Variants in GAN observed in about 807,000 individuals in gnomAD.
GAN encodes epididymis secretory sperm binding protein.
In GAN, 48 loss-of-function variants were observed where a neutral mutation model predicts 71.3. The observed-to-expected ratio is 0.67, with a 90% confidence interval of 0.53 to 0.86. GAN has a LOEUF of 0.86. Among genes scored for constraint, GAN ranks in the 40% least tolerant of loss-of-function variants. The pLI, the probability that GAN is intolerant of heterozygous loss-of-function variation, is 0.00. For synonymous variants in GAN, 386 were observed against 276.8 expected, an observed-to-expected ratio of 1.39 and a Z score of -3.92; for missense variants, 928 against 770.1, an observed-to-expected ratio of 1.21 and a Z score of -2.43.
chr16:81,351,623 A>G lies in GAN; in HGVS notation c.208A>G (p.Thr70Ala). The change falls in exon 2 of 11, where the codon ACT becomes GCT. Residue 70 changes from threonine (T) to alanine (A), a missense_variant. Coordinates refer to ENST00000648994, the MANE Select transcript of GAN (RefSeq NM_022041.4). ...NYNPPKDDGSTYKIELEGISV... is the reference protein window; with the variant it reads ...NYNPPKDDGSAYKIELEGISV... ...TAATCCTCCAAAAGATGATGGATCA[A>G]CTTATAAGATTGAACTTGAAGGGAT... 2 of 1,559,312 alleles carry G rather than the reference A, an allele frequency of 1.3e-6. No individual in the cohort carries two copies. The highest frequency in any genetic ancestry group is 4.5e-5 in the East Asian group (2 of 44,604).
At chr16:81,325,065 C>T (rs139911975) in intron 1 of GAN, among the ~76,000 whole-genome samples, 3 of 150,190 alleles carry the variant, frequency 2.0e-5, no homozygotes, top group Non-Finnish European at 3.0e-5. Flanking sequence ...CTCCCAGGCA[C>T]GGATGCTCCC....
At chr16:81,354,383 G>C in intron 2 of GAN, 22 bp from the exon 3 acceptor site, 1 of 1,471,924 alleles carries the variant, frequency 6.8e-7, no homozygotes, top group Non-Finnish European at 9.5e-7. Context: ...TCAAATATAA[G>C]ATAATTATGC....
chr16:81,372,078 C>A (rs1392141711), intron 9 of GAN: 1 of 152,272 alleles, frequency 6.6e-6, no homozygotes, highest in Admixed American at 6.6e-5. Context: ...CTTCCTCTCT[C>A]CTTTCCTGTC....
At chr16:81,343,355 G>A (rs536435749) in intron 1 of GAN, among the ~76,000 whole-genome samples, 45 of 152,290 alleles carry the variant, frequency 3.0e-4, no homozygotes, top group African/African-American at 1.0e-3. Context: ...GAACATTGAT[G>A]TGAAAATCCT....
At chr16:81,338,225 A>T (rs527491001) in intron 1 of GAN, among the ~76,000 whole-genome samples, 1 of 152,320 alleles carries the variant, frequency 6.6e-6, no homozygotes, top group African/African-American at 2.4e-5. Flanking sequence ...TGTCAAGGTG[A>T]TATTTTAAGG....
intron 4 of GAN, among the ~76,000 whole-genome samples, chr16:81,357,205 A>G (rs1178698451): frequency 1.3e-5 from 2 of 152,070 alleles, no homozygotes; most frequent in Non-Finnish European, 2.9e-5. Context: ...TGCTGCACCC[A>G]TTAACTCATC....
At chr16:81,376,642 GTATATATGTGTGTA>G (rs1904281992) in intron 9 of GAN, among the ~76,000 whole-genome samples, 1 of 16,376 alleles carries the variant, frequency 6.1e-5, no homozygotes, top group African/African-American at 4.3e-4. Context: ...ATATATGTGT[GTATATATGTGTGTA>G]TATATGTGTG....
At chr16:81,362,760 C>T (rs77970495) in intron 6 of GAN, 149 bp downstream of exon 6, 1 of 698,108 alleles carries the variant, frequency 1.4e-6, no homozygotes, top group African/African-American at 1.8e-5. Flanking sequence ...GTGCCCGGCT[C>T]TCCTCCCCTT....
intron 1 of GAN, among the ~76,000 whole-genome samples, chr16:81,337,868 A>T (rs1041731517): frequency 3.9e-5 from 6 of 152,206 alleles, no homozygotes; most frequent in African/African-American, 1.4e-4. Flanking sequence ...CTTAGACCAC[A>T]TGATGTGCAA....
At chr16:81,332,306 G>A (rs1404302784) in intron 1 of GAN, among the ~76,000 whole-genome samples, 2 of 152,170 alleles carry the variant, frequency 1.3e-5, no homozygotes, top group Non-Finnish European at 2.9e-5. Flanking sequence ...CTGGCTGTGG[G>A]GTTGCAGCAG....
rs964001057 is a variant in GAN at position 81,387,183 on chromosome 16, A to G, written c.*9587A>G. 1 of 152,196 alleles carries G rather than the reference A, an allele frequency of 6.6e-6. No homozygotes were observed. The highest frequency in any genetic ancestry group is 1.5e-5 in the Non-Finnish European group (1 of 68,032). The allele number at this position is 152,196 out of a possible 1,614,324, so 9.4% of individuals were successfully genotyped here. On this transcript the variant is annotated 3_prime_UTR_variant, in exon 11 of 11. Transcript: ENST00000648994. Reference sequence around the variant, plus strand: ...GTGTTAGATCTGCAATACTCTTCATAGTGTAATGGCTAAATGTAAAGTCTT... The same window carrying G: ...GTGTTAGATCTGCAATACTCTTCATGGTGTAATGGCTAAATGTAAAGTCTT...
chr16:81,338,795 G>A (rs17188615), intron 1 of GAN, among the ~76,000 whole-genome samples: 3 of 152,196 alleles, frequency 2.0e-5, no homozygotes, highest in African/African-American at 7.2e-5. Context: ...GACTGCTTCC[G>A]GATAGATTTG....
At chr16:81,339,123 A>T (rs1909860002) in intron 1 of GAN, among the ~76,000 whole-genome samples, 1 of 152,246 alleles carries the variant, frequency 6.6e-6, no homozygotes, top group Non-Finnish European at 1.5e-5. Flanking sequence ...TAATTGAAGA[A>T]GCACCTATTA....
rs1388281560 is a variant in GAN at position 81,353,058 on chromosome 16, G to C, written c.283-1347G>C. On this transcript the variant is annotated intron_variant, in intron 2 of 10. Transcript: ENST00000648994. ...TGTAATCCCAGCACTTTGGGAGGCC[G>C]AGGCGGGTGGATCACGAGGTCAGGA... 3.9e-5 allele frequency among the ~76,000 whole-genome samples: 6 copies of C among 152,302 alleles called. No individual in the cohort carries two copies. In the East Asian group the frequency reaches 1.2e-3, roughly 29 times the overall value.
At position 81,357,841 on chromosome 16, in the gene GAN, A is replaced by T; in HGVS notation, c.883A>T (p.Met295Leu). 6.2e-7 allele frequency: 1 copy of T among 1,613,358 alleles called. No individual in the cohort carries two copies. Residue 295 changes from methionine to leucine, a missense_variant, in exon 5 of 11, where the codon ATG becomes TTG. Coordinates refer to ENST00000648994, the MANE Select transcript of GAN (RefSeq NM_022041.4). Reference sequence around the variant, plus strand: ...GAAACCCACAGCAGCGATGCGATGCATGTGCCCTCTCTATGACCCTAACAG... The same window carrying T: ...GAAACCCACAGCAGCGATGCGATGCTTGTGCCCTCTCTATGACCCTAACAG... ...SRKPTAAMRC[M>L]CPLYDPNRQL...
intron 3 of GAN, 33 bp from the exon 4 acceptor site, chr16:81,356,752 G>A (rs554389499): frequency 7.1e-7 from 1 of 1,409,732 alleles, no homozygotes; most frequent in East Asian, 2.3e-5. Flanking sequence ...ATTTTCCATT[G>A]TTTTCGCCCC....
At chr16:81,366,973 T>C (rs1910878855) in intron 9 of GAN, among the ~76,000 whole-genome samples, 1 of 152,086 alleles carries the variant, frequency 6.6e-6, no homozygotes, top group South Asian at 2.1e-4. Flanking sequence ...TACAGGCGCA[T>C]GCCACCATGC....
intron 1 of GAN, among the ~76,000 whole-genome samples, chr16:81,346,729 C>T (rs1816139846): frequency 6.6e-6 from 1 of 152,154 alleles, no homozygotes; most frequent in Non-Finnish European, 1.5e-5. Context: ...TGGGAAGGTA[C>T]TTGAAGGAGG....
chr16:81,377,567 T>G lies in GAN; in HGVS notation c.1765T>G (p.Leu589Val), dbSNP rs113761285. Reference sequence around the variant, plus strand: ...TTTCCGCCTGCAGCTTCAGCAAGGCTTATTCCGTATTCGTGTTCATTCCCC... The same window carrying G: ...TTTCCGCCTGCAGCTTCAGCAAGGCGTATTCCGTATTCGTGTTCATTCCCC... ...KLFRLQLQQG[L>V]FRIRVHSP The change falls in exon 11 of 11, where the codon TTA becomes GTA. Residue 589 changes from leucine (L) to valine (V), a missense_variant. Transcript: ENST00000648994. The G allele has an allele frequency of 5.6e-6, 9 of 1,614,190 alleles. No individual in the cohort carries two copies. The highest frequency in any genetic ancestry group is 7.6e-6 in the Non-Finnish European group (9 of 1,180,010).
Sources: gnomAD v4.1 joint callset for allele counts (sites outside exome capture counted in the v4.1 genomes callset) on GRCh38, gnomAD v4.1.1 for gene constraint, MANE v1.5 for transcripts, NCBI Gene and HGNC (gene_info 2026-07-23, HGNC 2026-07-21) for gene names.